IGDCC3: variants seen among roughly 807,000 people sequenced by gnomAD.
IGDCC3 encodes the protein putative neuronal cell adhesion molecule.
In IGDCC3, 47 loss-of-function variants were observed where a neutral mutation model predicts 72.0. The ratio of observed to expected loss-of-function variants is 0.65; its 90% CI spans 0.52 to 0.83. IGDCC3 has a LOEUF of 0.83. IGDCC3 is among the 40% of genes least tolerant of loss of function. The pLI, the probability that IGDCC3 is intolerant of heterozygous loss-of-function variation, is 0.00. For synonymous variants in IGDCC3, 477 were observed against 472.8 expected, an observed-to-expected ratio of 1.01 and a Z score of -0.11; for missense variants, 1,038 against 1,091.3, an observed-to-expected ratio of 0.95 and a Z score of 0.69.
intron 2 of IGDCC3, among the ~76,000 whole-genome samples, chr15:65,348,559 C>T (rs930869141): frequency 1.3e-5 from 2 of 152,112 alleles, no homozygotes; most frequent in Admixed American, 6.5e-5. Context: ...GTAAGTGATG[C>T]GGTACCCAGG....
In IGDCC3 at chr15:65,377,713, A is replaced by T; in HGVS notation, c.76T>A (p.Leu26Met). ...LWPRLLLPLL[L>M]LLLPAPSEGL... ...TCGCTCGGCGCGGGCAGCAGCAGCA[A>T]CAGCAGCGGCAGCAGGAGCCGGGGC... Residue 26 changes from leucine (L) to methionine (M), a missense_variant, in exon 1 of 14, where the codon TTG (leucine) becomes ATG (methionine). By Grantham distance (15) the Leu-to-Met change is conservative (BLOSUM62 2). Transcript: ENST00000327987. The surrounding 1 kb of genome is among the most constrained non-coding windows in gnomAD (Gnocchi z 4.9). 7.2e-7 allele frequency: 1 copy of T among 1,393,396 alleles called. No individual in the cohort carries two copies. Among genetic ancestry groups the T allele is most frequent in the Non-Finnish European group, 9.3e-7 (1 of 1,077,368 alleles). The allele number at this position is 1,393,396 out of a possible 1,614,324, so 86.3% of individuals were successfully genotyped here.
intron 2 of IGDCC3, among the ~76,000 whole-genome samples, chr15:65,371,955 T>C (rs898411144): frequency 3.3e-5 from 5 of 152,200 alleles, no homozygotes; most frequent in Non-Finnish European, 7.4e-5. Flanking sequence ...CAAAACAAGA[T>C]GCACTCTGGC....
chr15:65,375,252 C>T lies in IGDCC3; in HGVS notation c.254G>A (p.Ser85Asn). 1 of 1,614,194 alleles carries T rather than the reference C, an allele frequency of 6.2e-7. No homozygotes were observed. ...WRKNGVELPE[S>N]THSTLLANGS... Reference sequence around the variant, plus strand: ...ATTGGCCAGCAAGGTGGAGTGGGTACTCTCTGGCAGCTCTACCCCATTCTT... The same window carrying T: ...ATTGGCCAGCAAGGTGGAGTGGGTATTCTCTGGCAGCTCTACCCCATTCTT... The change falls in exon 2 of 14, where the codon AGT (serine) becomes AAT (asparagine). Residue 85 changes from serine (S) to asparagine (N), a missense_variant. Ser to Asn is a conservative substitution (Grantham distance 46, BLOSUM62 1). Transcript: ENST00000327987.
At chr15:65,345,650 A>G (rs1035738838) in intron 2 of IGDCC3, among the ~76,000 whole-genome samples, 1 of 152,152 alleles carries the variant, frequency 6.6e-6, no homozygotes, top group African/African-American at 2.4e-5. Flanking sequence ...AAGCAAAGAA[A>G]AAAGAAACAT....
chr15:65,331,881 C>A, intron 7 of IGDCC3, 60 bp downstream of exon 7: 1 of 1,558,468 alleles, frequency 6.4e-7, no homozygotes, highest in Non-Finnish European at 8.7e-7. Context: ...GCCACTCACT[C>A]CAGGCCCCGC....
chr15:65,377,949 G>T lies in IGDCC3; in HGVS notation c.-161C>A, dbSNP rs1434305209. ...CCGCATGCCTGCTCAGCAGCGCGGG[G>T]GGCGCAGGGGGAGCGCCGCTTGCGC... On this transcript the variant is annotated 5_prime_UTR_variant, in exon 1 of 14. Coordinates refer to ENST00000327987, the MANE Select transcript of IGDCC3 (RefSeq NM_004884.4). The surrounding 1 kb of genome is among the most constrained non-coding windows in gnomAD (Gnocchi z 4.9). The T allele has an allele frequency of 3.4e-6, 2 of 584,596 alleles. No homozygotes were observed. Among genetic ancestry groups the T allele is most frequent in the Non-Finnish European group, 4.4e-6 (2 of 459,180 alleles). 36.2% of individuals were successfully genotyped at this position (584,596 alleles called of 1,614,324 possible). A position where few individuals can be genotyped will look rare whatever the true frequency, so the allele number is the denominator to read the frequency against.
chr15:65,358,534 G>T (rs1409869542), intron 2 of IGDCC3, among the ~76,000 whole-genome samples: 1 of 152,188 alleles, frequency 6.6e-6, no homozygotes, highest in Admixed American at 6.5e-5. Context: ...GGGTTGCCTA[G>T]ATTTCAACAA....
rs369089909 is a variant in IGDCC3, at chr15:65,331,405, C to A, written c.1396+7G>T. On this transcript the variant is annotated splice_region_variant and intron_variant, in intron 8 of 13. Transcript: ENST00000327987. ...GAGGAAGGGGCAACAGAGCTGGCCACGCGCACCAGCAGCCTTCCTGATGTG... is the reference window on the plus strand; with the variant it reads ...GAGGAAGGGGCAACAGAGCTGGCCAAGCGCACCAGCAGCCTTCCTGATGTG... 2.5e-6 allele frequency: 4 copies of A among 1,595,612 alleles called. No individual in the cohort carries two copies. The highest frequency in any genetic ancestry group is 1.1e-5 in the South Asian group (1 of 88,860).
chr15:65,332,231 G>GC, intron 6 of IGDCC3, 125 bp from the exon 7 acceptor site: 4 of 1,149,914 alleles, frequency 3.5e-6, no homozygotes, highest in Non-Finnish European at 3.6e-6. Flanking sequence ...ACACACATCT[G>GC]CCCCCTGGAG....
intron 5 of IGDCC3, among the ~76,000 whole-genome samples, chr15:65,333,812 G>A (rs188095348): frequency 9.9e-5 from 15 of 151,200 alleles, no homozygotes; most frequent in East Asian, 1.9e-4. Flanking sequence ...TGACCTGGTT[G>A]GGGGGGGAAC....
chr15:65,331,543 C>T lies in IGDCC3; in HGVS notation c.1265G>A (p.Gly422Glu). 2 of 1,613,796 alleles carry T rather than the reference C, an allele frequency of 1.2e-6. No individual in the cohort carries two copies. The highest frequency in any genetic ancestry group is 4.5e-5 in the East Asian group (2 of 44,864). ...SARLTVLWAE[G>E]LPGPPRNVRA... The stretch of plus-strand genomic sequence containing the variant: ...CACATTGCGGGGAGGCCCGGGGAGC[C>T]CCTCAGCCCACAGTACGGTCAGCCT... Residue 422 changes from glycine (G) to glutamate (E), a missense_variant, in exon 8 of 14, where the codon GGG becomes GAG. Coordinates refer to ENST00000327987, the MANE Select transcript of IGDCC3 (RefSeq NM_004884.4).
chr15:65,353,499 C>T (rs2140157675), intron 2 of IGDCC3, among the ~76,000 whole-genome samples: 1 of 152,290 alleles, frequency 6.6e-6, no homozygotes, highest in African/African-American at 2.4e-5. Flanking sequence ...ATCTGCCCGC[C>T]TCGGCCTCCC....
Position 65,329,210 on chromosome 15 carries a change from A to G in IGDCC3, c.2206-62T>C. The G allele has an allele frequency of 6.5e-7, 1 of 1,548,946 alleles. No homozygotes were observed. On this transcript the variant is annotated intron_variant, in intron 13 of 13. Transcript: ENST00000327987. The surrounding 1 kb of genome is among the most constrained non-coding windows in gnomAD (Gnocchi z 4.1). ...GGGCCAGGGCGCCAGGCTCCAACTCACCCCACTTGGGCCTTAGGGTCTCCA... is the reference window on the plus strand; with the variant it reads ...GGGCCAGGGCGCCAGGCTCCAACTCGCCCCACTTGGGCCTTAGGGTCTCCA...
In IGDCC3 at chr15:65,331,410, A is replaced by G; in HGVS notation, c.1396+2T>C. ...AGGGGCAACAGAGCTGGCCACGCGC[A>G]CCAGCAGCCTTCCTGATGTGCAGGA... On this transcript the variant is annotated splice_donor_variant, in intron 8 of 13. Transcript: ENST00000327987. LOFTEE classifies it high-confidence loss of function. 1 of 1,600,074 alleles carries G rather than the reference A, an allele frequency of 6.2e-7. No homozygotes were observed. The highest frequency in any genetic ancestry group is 8.5e-7 in the Non-Finnish European group (1 of 1,171,094).
rs1332669703 is a variant in IGDCC3 at position 65,331,428 on chromosome 15, G to A, written c.1380C>T (p.His460=). ...NTKEIIGYVL[H]IRKAADPPEL... ...CACGCGCACCAGCAGCCTTCCTGATGTGCAGGACGTAGCCGATGATCTCCT... is the reference window on the plus strand; with the variant it reads ...CACGCGCACCAGCAGCCTTCCTGATATGCAGGACGTAGCCGATGATCTCCT... The change falls in exon 8 of 14, where the codon CAC becomes CAT. Residue 460 remains histidine, a synonymous_variant. Transcript: ENST00000327987. 2.5e-6 allele frequency: 4 copies of A among 1,608,094 alleles called. No homozygotes were observed. The highest frequency in any genetic ancestry group is 3.4e-6 in the Non-Finnish European group (4 of 1,176,542).
In IGDCC3 at chr15:65,351,533, CAAAAAAAAA is replaced by C. The variant is rs59065889; in HGVS notation, c.410-15586_410-15578del. 7.5e-5 allele frequency among the ~76,000 whole-genome samples: 8 copies of C among 106,240 alleles called. No homozygotes were observed. In the Admixed American group the frequency reaches 7.8e-4, roughly 10 times the overall value. 69.7% of individuals were successfully genotyped at this position (106,240 alleles called of 152,430 possible). On this transcript the variant is annotated intron_variant, in intron 2 of 13. Coordinates refer to ENST00000327987, the MANE Select transcript of IGDCC3 (RefSeq NM_004884.4). Reference sequence around the variant, plus strand: ...TGGGCGACAGAGTGAGACTCCGTCTCAAAAAAAAAAAAAAAAGAATCTTACCTTACGGTT... The same window carrying C: ...TGGGCGACAGAGTGAGACTCCGTCTCAAAAAAAGAATCTTACCTTACGGTT...
At position 65,335,877 on chromosome 15, in the gene IGDCC3, A is replaced by G. The variant is rs753651776; in HGVS notation, c.489T>C (p.His163=). Residue 163 remains histidine (H), a synonymous_variant, in exon 3 of 14, where the codon CAT becomes CAC. Transcript: ENST00000327987. The part of the protein sequence containing the change: ...GGVARFQCQI[H]GLPKPLITWE... ...AAGTGATCAGGGGTTTGGGAAGCCC[A>G]TGGATTTGGCACTGGAAGCGGGCCA... 10 of 1,614,062 alleles carry G rather than the reference A, an allele frequency of 6.2e-6. No individual in the cohort carries two copies. The highest frequency in any genetic ancestry group is 4.5e-5 in the East Asian group (2 of 44,888).
intron 3 of IGDCC3, 86 bp from the exon 4 acceptor site, chr15:65,335,507 C>A: frequency 7.2e-7 from 1 of 1,398,352 alleles, no homozygotes; most frequent in Non-Finnish European, 9.9e-7. Context: ...AGATACAGCC[C>A]AGGACCTAAG....
At chr15:65,335,779 G>C in intron 3 of IGDCC3, 33 bp downstream of exon 3, 3 of 1,612,388 alleles carry the variant, frequency 1.9e-6, no homozygotes, top group Non-Finnish European at 2.5e-6. Context: ...CCACCTCTTT[G>C]TCCTCCCTCT....
Sources: gnomAD v4.1 joint callset for allele counts (sites outside exome capture counted in the v4.1 genomes callset) on GRCh38, gnomAD v4.1.1 for gene constraint, Gnocchi (gnomAD v3.1) non-coding constraint, MANE v1.5 for transcripts, NCBI Gene and HGNC (gene_info 2026-07-23, HGNC 2026-07-21) for gene names.